FRAS1: variants seen among roughly 807,000 people sequenced by gnomAD.
FRAS1 encodes extracellular matrix organizing protein FRAS1.
A neutral mutation model predicts 435.2 loss-of-function variants in FRAS1; 290 were observed. The observed-to-expected ratio is 0.67, with a 90% CI of 0.61 to 0.73. FRAS1 has a LOEUF of 0.73. Among genes scored for constraint, FRAS1 ranks in the 30% least tolerant of loss-of-function variants. The probability of loss-of-function intolerance (pLI) is 0.00; values close to 1 mark genes in which losing one functional copy is unlikely to be tolerated. For missense variants in FRAS1, 4,860 were observed against 5,001.5 expected (o/e 0.97, Z 0.85); for synonymous variants, 1,800 against 1,851.0 (o/e 0.97, Z 0.71).
chr4:78,499,626 C>A, intron 60 of FRAS1, 95 bp from the exon 61 acceptor site: 1 of 1,208,102 alleles, frequency 8.3e-7, no homozygotes, highest in Non-Finnish European at 1.2e-6. Flanking sequence ...CTAATGTGAA[C>A]AATTTCCTCT....
intron 50 of FRAS1, among the ~76,000 whole-genome samples, chr4:78,467,308 A>G (rs542579451): frequency 7.2e-5 from 11 of 152,248 alleles, no homozygotes; most frequent in Non-Finnish European, 1.6e-4. Context: ...GATCCCATAT[A>G]TAAGTGAGAA....
intron 18 of FRAS1, among the ~76,000 whole-genome samples, chr4:78,332,955 C>G (rs1056907071): frequency 6.6e-6 from 1 of 152,208 alleles, no homozygotes; most frequent in African/African-American, 2.4e-5. Flanking sequence ...GGAGGGAGAA[C>G]TGTTTTCTGG....
intron 18 of FRAS1, among the ~76,000 whole-genome samples, chr4:78,323,581 G>C (rs781600211): frequency 2.0e-5 from 3 of 152,174 alleles, no homozygotes; most frequent in Admixed American, 6.5e-5. Context: ...TGTCAATCTA[G>C]ATGAGGTCTG....
chr4:78,144,554 T>A (rs752212018), intron 2 of FRAS1, among the ~76,000 whole-genome samples: 1 of 152,110 alleles, frequency 6.6e-6, no homozygotes, highest in Admixed American at 6.6e-5. Context: ...ACATTTTTTA[T>A]TGTAAAGTGA....
chr4:78,096,732 C>T (rs551830682), intron 2 of FRAS1, among the ~76,000 whole-genome samples: 2 of 152,340 alleles, frequency 1.3e-5, no homozygotes, highest in East Asian at 3.9e-4. Context: ...TCCCTACACT[C>T]CACACAGCAA....
At chr4:78,256,381 A>G (rs1394171918) in intron 6 of FRAS1, among the ~76,000 whole-genome samples, 6 of 152,134 alleles carry the variant, frequency 3.9e-5, no homozygotes, top group African/African-American at 1.4e-4. Context: ...GTCTTGCTCT[A>G]ATGCTCTTAC....
intron 28 of FRAS1, among the ~76,000 whole-genome samples, chr4:78,385,515 G>T (rs1488855592): frequency 6.6e-6 from 1 of 152,166 alleles, no homozygotes; most frequent in African/African-American, 2.4e-5. Flanking sequence ...GGATAAATTG[G>T]AGTTTAATGA....
chr4:78,130,473 A>C (rs769789759), intron 2 of FRAS1, among the ~76,000 whole-genome samples: 17 of 152,214 alleles, frequency 1.1e-4, no homozygotes, highest in Non-Finnish European at 2.2e-4. Context: ...GTCAGATCAG[A>C]ACGTGCACAC....
intron 38 of FRAS1, among the ~76,000 whole-genome samples, chr4:78,437,543 T>G (rs1394917093): frequency 6.6e-6 from 1 of 152,192 alleles, no homozygotes; most frequent in African/African-American, 2.4e-5. Flanking sequence ...GAATTGAGAC[T>G]CTGAACTACT....
intron 20 of FRAS1, among the ~76,000 whole-genome samples, chr4:78,344,859 ATTTACT>A (rs1271689475): frequency 1.3e-5 from 2 of 152,194 alleles, no homozygotes; most frequent in African/African-American, 4.8e-5. Context: ...TTCACTCCAC[ATTTACT>A]TTAATCTTTT....
chr4:78,171,037 A>G (rs1360078659), intron 2 of FRAS1, among the ~76,000 whole-genome samples: 1 of 151,964 alleles, frequency 6.6e-6, no homozygotes, highest in East Asian at 1.9e-4. Flanking sequence ...TTCACAATGA[A>G]CCAGCAATTT....
At position 78,475,404 on chromosome 4, in the gene FRAS1, A is replaced by G. The variant is rs750362581; in HGVS notation, c.7683-34A>G. 13 of 1,612,986 alleles carry G rather than the reference A, an allele frequency of 8.1e-6. No individual in the cohort carries two copies. In the Admixed American group the frequency reaches 1.8e-4, roughly 23 times the overall value. On this transcript the variant is annotated intron_variant, in intron 53 of 73. Transcript: ENST00000512123. Reference sequence around the variant, plus strand: ...AGTTGTTTTTTCATAACCATGGGGCATAGTTTAAGAGATGCCTTTTTGTGT... The same window carrying G: ...AGTTGTTTTTTCATAACCATGGGGCGTAGTTTAAGAGATGCCTTTTTGTGT...
At chr4:78,433,024 T>G (rs1734273866) in intron 38 of FRAS1, among the ~76,000 whole-genome samples, 1 of 152,224 alleles carries the variant, frequency 6.6e-6, no homozygotes, top group South Asian at 2.1e-4. Context: ...TGTCATCAGT[T>G]TCTGTCTCAG....
chr4:78,439,889 T>G (rs554081230), intron 40 of FRAS1, among the ~76,000 whole-genome samples: 1 of 152,272 alleles, frequency 6.6e-6, no homozygotes, highest in Admixed American at 6.5e-5. Flanking sequence ...AGTACCCAGT[T>G]CATGGTAGGG....
At chr4:78,171,683 T>C (rs1721568097) in intron 2 of FRAS1, among the ~76,000 whole-genome samples, 1 of 152,134 alleles carries the variant, frequency 6.6e-6, no homozygotes, top group Non-Finnish European at 1.5e-5. Context: ...GAGTGTCGCC[T>C]CCTGGCTGGA....
At position 78,181,753 on chromosome 4, in the gene FRAS1, G is replaced by T; in HGVS notation, c.109-55757G>T. 3.1e-6 allele frequency: 5 copies of T among 1,610,428 alleles called. No individual in the cohort carries two copies. In the South Asian group the frequency reaches 4.4e-5, roughly 14 times the overall value. On this transcript the variant is annotated intron_variant, in intron 2 of 73. Transcript: ENST00000512123. ...TTATTCCTTCTTTCTTAAGCGCCAC[G>T]GGCGGCTGCGTCTCCTCTTTCTTGT...
At chr4:78,084,102 G>A (rs1258253755) in intron 2 of FRAS1, among the ~76,000 whole-genome samples, 1 of 152,024 alleles carries the variant, frequency 6.6e-6, no homozygotes, top group Non-Finnish European at 1.5e-5. Flanking sequence ...CTTTAAAAAT[G>A]GTATTACAGA....
At chr4:78,487,982 T>C (rs1412708469) in intron 58 of FRAS1, among the ~76,000 whole-genome samples, 2 of 152,242 alleles carry the variant, frequency 1.3e-5, no homozygotes, top group African/African-American at 2.4e-5. Context: ...ATTTGAGTTA[T>C]AAAAGAAGAG....
At chr4:78,067,829 G>C (rs1479074936) in intron 2 of FRAS1, among the ~76,000 whole-genome samples, 1 of 149,674 alleles carries the variant, frequency 6.7e-6, no homozygotes, top group Admixed American at 6.7e-5. Flanking sequence ...AAGTAGATGG[G>C]ACTACAGCTG....
Sources: gnomAD v4.1 joint callset for allele counts (sites outside exome capture counted in the v4.1 genomes callset) on GRCh38, gnomAD v4.1.1 for gene constraint, MANE v1.5 for transcripts, NCBI Gene and HGNC (gene_info 2026-07-23, HGNC 2026-07-21) for gene names.